KCNAB1: variants seen among roughly 807,000 people sequenced by gnomAD.
The protein encoded by KCNAB1 is voltage-gated potassium channel subunit beta-1.
KCNAB1 carries 35 observed loss-of-function variants against 64.6 expected under a neutral mutation model. That is an observed-to-expected ratio of 0.54 (90% CI 0.41 to 0.72). The LOEUF (loss-of-function observed/expected upper bound fraction) is 0.72, where lower values mean the gene tolerates loss of function less well. KCNAB1 is among the 30% of genes least tolerant of loss of function. The probability of loss-of-function intolerance (pLI) is 0.00; values close to 1 mark genes in which losing one functional copy is unlikely to be tolerated. For synonymous variants in KCNAB1, 177 were observed against 183.8 expected, an observed-to-expected ratio of 0.96 and a Z score of 0.30; for missense variants, 401 against 512.9, an observed-to-expected ratio of 0.78 and a Z score of 2.11.
rs1717004552 is a variant in KCNAB1 at position 156,508,991 on chromosome 3, G to A, written c.659-5373G>A. Among the ~76,000 whole-genome samples the A allele has an allele frequency of 6.6e-6, 1 of 152,082 alleles. No individual in the cohort carries two copies. Among genetic ancestry groups the A allele is most frequent in the South Asian group, 2.1e-4 (1 of 4,824 alleles). On this transcript the variant is annotated intron_variant, in intron 8 of 13. Coordinates refer to ENST00000490337, the MANE Select transcript of KCNAB1 (RefSeq NM_172160.3). The surrounding 1 kb of genome is among the most constrained non-coding windows in gnomAD (Gnocchi z 4.1). Reference sequence around the variant, plus strand: ...CTAATGAAACTAATACAAAGGCCCTGGCTCACTGAAGGAGGCTAGGACCTG... The same window carrying A: ...CTAATGAAACTAATACAAAGGCCCTAGCTCACTGAAGGAGGCTAGGACCTG...
intron 1 of KCNAB1, among the ~76,000 whole-genome samples, chr3:156,190,131 C>T (rs1013943159): frequency 2.6e-5 from 4 of 152,228 alleles, no homozygotes; most frequent in African/African-American, 9.7e-5. Context: ...AAGTTCACCA[C>T]TGCACTTTGC....
intron 1 of KCNAB1, among the ~76,000 whole-genome samples, chr3:156,299,740 G>A (rs1721029621): frequency 6.6e-6 from 1 of 152,116 alleles, no homozygotes; most frequent in East Asian, 1.9e-4. Context: ...GGAATCGACA[G>A]CTAGGGAGGA....
At chr3:156,330,638 C>T (rs1193713241) in intron 1 of KCNAB1, among the ~76,000 whole-genome samples, 1 of 152,168 alleles carries the variant, frequency 6.6e-6, no homozygotes, top group African/African-American at 2.4e-5. Flanking sequence ...AATCCCATTA[C>T]ATCACCTATC....
intron 8 of KCNAB1, among the ~76,000 whole-genome samples, chr3:156,497,466 C>A (rs1716085971): frequency 6.6e-6 from 1 of 152,164 alleles, no homozygotes; most frequent in African/African-American, 2.4e-5. Flanking sequence ...AGACAGAATT[C>A]CTTTTAAAAT....
At chr3:156,261,028 C>T (rs987664774) in intron 1 of KCNAB1, among the ~76,000 whole-genome samples, 1 of 152,024 alleles carries the variant, frequency 6.6e-6, no homozygotes, top group Admixed American at 6.6e-5. Flanking sequence ...ACTCATTGGC[C>T]ATTCACTTAT....
rs1394810569 is a variant in KCNAB1 at position 156,537,756 on chromosome 3, C to A, written c.*1009C>A. On this transcript the variant is annotated 3_prime_UTR_variant, in exon 14 of 14. Coordinates refer to ENST00000490337, the MANE Select transcript of KCNAB1 (RefSeq NM_172160.3). ...TTTTTAAGTAAACCTGTAAAATACC[C>A]AGGAAGGCAAATGTTCATTGTTTAA... 1 of 152,544 alleles carries A rather than the reference C, an allele frequency of 6.6e-6. No individual in the cohort carries two copies. The highest frequency in any genetic ancestry group is 1.9e-4 in the East Asian group (1 of 5,202). 9.4% of individuals were successfully genotyped at this position (152,544 alleles called of 1,614,324 possible).
In KCNAB1 at chr3:156,120,831, C is replaced by G. The variant is rs200450023; in HGVS notation, c.220C>G (p.Leu74Val). Reference sequence around the variant, plus strand: ...AGTGGAGATGAACTGGTACCTAAAGCTCTGCGACCTGTCCAGCGAGCACAC... The same window carrying G: ...AGTGGAGATGAACTGGTACCTAAAGGTCTGCGACCTGTCCAGCGAGCACAC... ...REVEMNWYLK[L>V]CDLSSEHTTV... Residue 74 changes from leucine (L) to valine (V), a missense_variant, in exon 1 of 14, where the codon CTC becomes GTC. Transcript: ENST00000490337. 9 of 1,614,232 alleles carry G rather than the reference C, an allele frequency of 5.6e-6. No individual in the cohort carries two copies. The highest frequency in any genetic ancestry group is 7.6e-6 in the Non-Finnish European group (9 of 1,180,050).
chr3:156,353,380 A>G (rs564268711), intron 1 of KCNAB1, among the ~76,000 whole-genome samples: 145 of 152,248 alleles, frequency 9.5e-4, no homozygotes, highest in Non-Finnish European at 1.5e-3. Context: ...GAATCAGACC[A>G]AGACCCTGGC....
intron 8 of KCNAB1, among the ~76,000 whole-genome samples, chr3:156,495,428 A>C (rs1715945179): frequency 6.6e-6 from 1 of 152,202 alleles, no homozygotes; most frequent in South Asian, 2.1e-4. Context: ...ATACATGCAC[A>C]TGTATGTTCA....
chr3:156,220,474 A>G (rs1715642347), intron 1 of KCNAB1, among the ~76,000 whole-genome samples: 1 of 152,186 alleles, frequency 6.6e-6, no homozygotes, highest in Non-Finnish European at 1.5e-5. Context: ...ACCAGTGATG[A>G]TGAGCATTTT....
chr3:156,243,649 C>T (rs1717295851), intron 1 of KCNAB1, among the ~76,000 whole-genome samples: 1 of 152,196 alleles, frequency 6.6e-6, no homozygotes, highest in South Asian at 2.1e-4. Flanking sequence ...TGTAGGGAAA[C>T]TCCTAAAGCT....
chr3:156,282,448 T>C (rs1719784981), intron 1 of KCNAB1, among the ~76,000 whole-genome samples: 3 of 150,212 alleles, frequency 2.0e-5, no homozygotes, highest in Admixed American at 2.0e-4. Flanking sequence ...TTCTGTTGAT[T>C]TGGGGTGGAG....
At chr3:156,253,258 T>C (rs17234953) in intron 1 of KCNAB1, among the ~76,000 whole-genome samples, 2,348 of 152,302 alleles carry the variant, frequency 0.015, 31 homozygotes, top group Non-Finnish European at 0.021. Context: ...TGTTTCACCA[T>C]GTCATCTCAG....
At chr3:156,246,346 C>A (rs1453276552) in intron 1 of KCNAB1, among the ~76,000 whole-genome samples, 2 of 152,178 alleles carry the variant, frequency 1.3e-5, no homozygotes, top group Admixed American at 6.5e-5. Context: ...TGGCTCACGC[C>A]TGTAATCCCA....
intron 1 of KCNAB1, among the ~76,000 whole-genome samples, chr3:156,211,555 A>T (rs1176316477): frequency 6.6e-6 from 1 of 152,224 alleles, no homozygotes; most frequent in Non-Finnish European, 1.5e-5. Flanking sequence ...CAATGCCCAC[A>T]CACAGGATGA....
intron 1 of KCNAB1, among the ~76,000 whole-genome samples, chr3:156,152,190 G>A (rs754616648): frequency 2.6e-5 from 4 of 152,180 alleles, no homozygotes; most frequent in East Asian, 1.9e-4. Flanking sequence ...ACATAAATCC[G>A]GTCCCCTGTG....
At chr3:156,199,501 G>A (rs552793514) in intron 1 of KCNAB1, among the ~76,000 whole-genome samples, 1 of 152,096 alleles carries the variant, frequency 6.6e-6, no homozygotes, top group East Asian at 1.9e-4. Context: ...ATTTCTTGGA[G>A]GCTTTGTTCA....
chr3:156,187,127 T>G (rs191508705), intron 1 of KCNAB1, among the ~76,000 whole-genome samples: 25 of 152,346 alleles, frequency 1.6e-4, no homozygotes, highest in African/African-American at 5.8e-4. Flanking sequence ...GTGTTGGGAT[T>G]ACATGCATGA....
At chr3:156,174,191 ATT>A (rs1712198052) in intron 1 of KCNAB1, among the ~76,000 whole-genome samples, 1 of 152,230 alleles carries the variant, frequency 6.6e-6, no homozygotes, top group Non-Finnish European at 1.5e-5. Context: ...GGACAAAGAT[ATT>A]GCTCAAGGCT....
Sources: allele counts gnomAD v4.1 joint callset (sites outside exome capture counted in the v4.1 genomes callset), GRCh38; gene constraint gnomAD v4.1.1; non-coding constraint Gnocchi (gnomAD v3.1); transcripts MANE v1.5; gene names NCBI Gene and HGNC (gene_info 2026-07-23, HGNC 2026-07-21).